ZNF444: variants seen among roughly 807,000 people sequenced by gnomAD.
ZNF444 encodes endothelial zinc finger protein 2.
In ZNF444, 8 loss-of-function variants were observed where a neutral mutation model predicts 14.4. The observed-to-expected ratio is 0.56, with a 90% CI of 0.33 to 1.00. The LOEUF is 1.00. Ranked by LOEUF, ZNF444 falls within the 50% of genes least tolerant of loss-of-function variation. ZNF444 has a pLI of 0.03. For missense variants in ZNF444, 510 were observed against 504.8 expected, an observed-to-expected ratio of 1.01 and a Z score of -0.10; for synonymous variants, 258 against 235.9, an observed-to-expected ratio of 1.09 and a Z score of -0.86.
rs1158933399 is a variant in ZNF444 at position 56,147,317 on chromosome 19, C to T, written c.297+109C>T. ...TGAACCCCTGAAAACCAGTGTGACT[C>T]GCGGTGGGGAGGCTGCGGTACAGGC... On this transcript the variant is annotated intron_variant, in intron 3 of 4. Coordinates refer to ENST00000337080, the MANE Select transcript of ZNF444 (RefSeq NM_018337.4). This position sits in a 1 kb window ranked among gnomAD's most constrained non-coding sequence, Gnocchi z 5.9. The T allele has an allele frequency of 2.0e-5, 25 of 1,266,304 alleles. No individual in the cohort carries two copies. The highest frequency in any genetic ancestry group is 2.5e-5 in the Non-Finnish European group (24 of 975,894). The allele number at this position is 1,266,304 out of a possible 1,614,324, so 78.4% of individuals were successfully genotyped here.
At position 56,159,961 on chromosome 19, in the gene ZNF444, G is replaced by A; in HGVS notation, c.744G>A (p.Lys248=). Residue 248 remains lysine, a synonymous_variant, in exon 5 of 5, where the codon AAG becomes AAA. Coordinates refer to ENST00000337080, the MANE Select transcript of ZNF444 (RefSeq NM_018337.4). ...TGCGCCCTCTGCCCGCCCGTGAGAA[G>A]CCCCACGCGTGCTGCGAGTGTGGCA... The part of the protein sequence containing the change: ...PALRPLPARE[K]PHACCECGKT... 6.6e-7 allele frequency: 1 copy of A among 1,506,998 alleles called. No homozygotes were observed. The highest frequency in any genetic ancestry group is 2.1e-5 in the Admixed American group (1 of 47,844). The allele number at this position is 1,506,998 out of a possible 1,614,324, so 93.4% of individuals were successfully genotyped here. A position where few individuals can be genotyped will look rare whatever the true frequency, so the allele number is the denominator to read the frequency against.
At chr19:56,137,442 C>T (rs752902323), upstream of ZNF444, among the ~76,000 whole-genome samples, 12 of 151,876 alleles carry the variant, frequency 7.9e-5, no homozygotes, top group Non-Finnish European at 1.3e-4. Context: ...TACACTCCAG[C>T]CTGGGTGACA....
At chr19:56,139,784 T>C (rs973275692), upstream of ZNF444, among the ~76,000 whole-genome samples, 6 of 150,612 alleles carry the variant, frequency 4.0e-5, no homozygotes, top group African/African-American at 1.2e-4. Context: ...TGGGTGAAGA[T>C]GGACTTGCTT....
chr19:56,136,574 C>T (rs2030616275), upstream of ZNF444, among the ~76,000 whole-genome samples: 1 of 152,152 alleles, frequency 6.6e-6, no homozygotes, highest in South Asian at 2.1e-4. Flanking sequence ...GTACTCCCTG[C>T]CAGGTAGCCT....
chr19:56,159,578 C>T (rs900517644), intron 4 of ZNF444, 46 bp from the exon 5 acceptor site: 27 of 1,411,012 alleles, frequency 1.9e-5, no homozygotes, highest in Non-Finnish European at 2.4e-5. Flanking sequence ...CTGTCCTTGC[C>T]CCGCCCTCGT....
At position 56,158,597 on chromosome 19, in the gene ZNF444, C is replaced by A. The variant is rs371316425; in HGVS notation, c.401C>A (p.Pro134His). ...TGGKEDSGMI[P>H]LAGTAPGAEG... ...GGAAAGGAGGACAGTGGGATGATTC[C>A]CTTAGGTGAGCTGCTGGCCTCTCTG... is the stretch of plus-strand genomic sequence containing the variant. Residue 134 changes from proline (P) to histidine (H), a missense_variant, in exon 4 of 5, where the codon CCC becomes CAC. Coordinates refer to ENST00000337080, the MANE Select transcript of ZNF444 (RefSeq NM_018337.4). 2 of 1,607,660 alleles carry A rather than the reference C, an allele frequency of 1.2e-6. No homozygotes were observed.
At chr19:56,134,607 TTATATGATGTTACCAGA>T (rs2030569722) in intron 1 of ZNF444, among the ~76,000 whole-genome samples, 2 of 152,084 alleles carry the variant, frequency 1.3e-5, no homozygotes, top group African/African-American at 2.4e-5. Flanking sequence ...TCACAGAGTA[TTATATGATGTTACCAGA>T]TGAAGAAGTG....
chr19:56,135,626 C>T (rs932232790), intron 1 of ZNF444, among the ~76,000 whole-genome samples: 18 of 152,118 alleles, frequency 1.2e-4, no homozygotes, highest in African/African-American at 3.9e-4. Context: ...ACTGTTTCTT[C>T]CTGCTTATCA....
intron 3 of ZNF444, chr19:56,150,876 C>A (rs879073558): frequency 6.2e-6 from 2 of 323,890 alleles, no homozygotes; most frequent in African/African-American, 1.5e-4. Context: ...GACGGTGGCG[C>A]ATAGACAGCT....
Position 56,147,583 on chromosome 19 carries a change from T to C in ZNF444, c.297+375T>C, listed in dbSNP as rs972675420. Among the ~76,000 whole-genome samples, 4 of 151,832 alleles carry C rather than the reference T, an allele frequency of 2.6e-5. No homozygotes were observed. The highest frequency in any genetic ancestry group is 9.7e-5 in the African/African-American group (4 of 41,296). ...CCGCACCCCGCCCGCACGCAGGGGG[T>C]CTTGCCGGCCAGGAATTCTCCTCAG... On this transcript the variant is annotated intron_variant, in intron 3 of 4. Transcript: ENST00000337080. This position sits in a 1 kb window ranked among gnomAD's most constrained non-coding sequence, Gnocchi z 5.9.
rs1293866548 is a variant in ZNF444, at chr19:56,147,084, A to G, written c.173A>G (p.Gln58Arg). Reference protein sequence around the residue: ...WLRPEVHTKEQMLELLVLEQF... With the variant: ...WLRPEVHTKERMLELLVLEQF... The stretch of plus-strand genomic sequence containing the variant: ...CGGCCCGAGGTGCACACCAAGGAGC[A>G]GATGTTGGAGCTGCTGGTGCTGGAA... Residue 58 changes from glutamine to arginine, a missense_variant, in exon 3 of 5, where the codon CAG becomes CGG. Coordinates refer to ENST00000337080, the MANE Select transcript of ZNF444 (RefSeq NM_018337.4). This position sits in a 1 kb window ranked among gnomAD's most constrained non-coding sequence, Gnocchi z 5.9. 6.3e-7 allele frequency: 1 copy of G among 1,588,994 alleles called. No individual in the cohort carries two copies. The highest frequency in any genetic ancestry group is 1.1e-5 in the South Asian group (1 of 88,482).
At chr19:56,133,354 T>C (rs1325797460) in intron 1 of ZNF444, among the ~76,000 whole-genome samples, 1 of 151,504 alleles carries the variant, frequency 6.6e-6, no homozygotes, top group Non-Finnish European at 1.5e-5. Context: ...ATCACAGGCA[T>C]GAGCCACCGC....
chr19:56,150,415 C>T (rs921312292), intron 3 of ZNF444: 19 of 346,326 alleles, frequency 5.5e-5, no homozygotes, highest in Non-Finnish European at 8.4e-5. Context: ...CTGCTTGCTC[C>T]GAGGCGAACC....
upstream of ZNF444, among the ~76,000 whole-genome samples, chr19:56,136,768 C>T (rs865909469): frequency 3.3e-5 from 5 of 151,310 alleles, no homozygotes; most frequent in East Asian, 1.9e-4. Context: ...GAGGCAGAGA[C>T]CGAGAATCTG....
rs1206644460 is a variant in ZNF444, at chr19:56,160,393, C to T, written c.*192C>T. 9.7e-6 allele frequency: 5 copies of T among 515,350 alleles called. No individual in the cohort carries two copies. In the East Asian group the frequency reaches 1.8e-4, roughly 19 times the overall value. The allele number at this position is 515,350 out of a possible 1,614,324, so 31.9% of individuals were successfully genotyped here. ...CTCCTTTTCCCCCAAATTTCACTTT[C>T]CTTCTCAGGTCTCACCTCAGCCCCC... On this transcript the variant is annotated 3_prime_UTR_variant, in exon 5 of 5. Coordinates refer to ENST00000337080, the MANE Select transcript of ZNF444 (RefSeq NM_018337.4).
At chr19:56,148,296 G>A (rs375557316) in intron 3 of ZNF444, among the ~76,000 whole-genome samples, 11 of 152,084 alleles carry the variant, frequency 7.2e-5, no homozygotes, top group African/African-American at 2.2e-4. Flanking sequence ...CACCTCGAGC[G>A]GCACAGGGGC....
In ZNF444 at chr19:56,160,158, G is replaced by T. The variant is rs931249506; in HGVS notation, c.941G>T (p.Gly314Val). 2.0e-6 allele frequency: 3 copies of T among 1,481,778 alleles called. No homozygotes were observed. Among genetic ancestry groups the T allele is most frequent in the African/African-American group, 2.9e-5 (2 of 67,990 alleles). 91.8% of individuals were successfully genotyped at this position (1,481,778 alleles called of 1,614,324 possible). The part of the protein sequence containing the change: ...AASAQGAVAP[G>V]PDGGGPFPPW... ...AGCGCGCAGGGGGCGGTAGCTCCGG[G>T]CCCGGATGGTGGAGGCCCCTTCCCG... is the stretch of plus-strand genomic sequence containing the variant. The change falls in exon 5 of 5, where the codon GGC (glycine) becomes GTC (valine). Residue 314 changes from glycine (G) to valine (V), a missense_variant. Gly to Val is a moderately radical substitution (Grantham distance 109). Transcript: ENST00000337080.
chr19:56,158,581 G>T lies in ZNF444; in HGVS notation c.385G>T (p.Asp129Tyr). 6.2e-7 allele frequency: 1 copy of T among 1,611,334 alleles called. No homozygotes were observed. ...QGPGATGGKEDSGMIPLAGTA... is the reference protein window; with the variant it reads ...QGPGATGGKEYSGMIPLAGTA... Reference sequence around the variant, plus strand: ...CCCTGGGGCCACAGGTGGAAAGGAGGACAGTGGGATGATTCCCTTAGGTGA... The same window carrying T: ...CCCTGGGGCCACAGGTGGAAAGGAGTACAGTGGGATGATTCCCTTAGGTGA... The change falls in exon 4 of 5, where the codon GAC (aspartate) becomes TAC (tyrosine). Residue 129 changes from aspartate (D) to tyrosine (Y), a missense_variant. Coordinates refer to ENST00000337080, the MANE Select transcript of ZNF444 (RefSeq NM_018337.4).
chr19:56,145,041 G>A lies in ZNF444; in HGVS notation c.-196-1206G>A, dbSNP rs274181. 0.062 allele frequency among the ~76,000 whole-genome samples: 9,514 copies of A among 152,330 alleles called. 420 individuals carry two copies. Among genetic ancestry groups the A allele is most frequent in the Non-Finnish European group, 0.093 (6,323 of 68,030 alleles). ...GCCACTCGGTAGCTCCAAGGCGGCC[G>A]TGGACAGCGCGTGAGCAAGTGGGCG... On this transcript the variant is annotated intron_variant, in intron 1 of 4. Transcript: ENST00000337080. This position sits in a 1 kb window ranked among gnomAD's most constrained non-coding sequence, Gnocchi z 4.3.
Sources: allele counts gnomAD v4.1 joint callset (sites outside exome capture counted in the v4.1 genomes callset), GRCh38; gene constraint gnomAD v4.1.1; non-coding constraint Gnocchi (gnomAD v3.1); transcripts MANE v1.5; gene names NCBI Gene and HGNC (gene_info 2026-07-23, HGNC 2026-07-21).